RANBP1: variants seen among roughly 807,000 people sequenced by gnomAD.
RANBP1 encodes RAN binding protein 1.
In RANBP1, 16 loss-of-function variants were observed where a neutral mutation model predicts 31.4. The observed-to-expected ratio is 0.51, with a 90% confidence interval of 0.34 to 0.77. The LOEUF is 0.77. RANBP1 is among the 30% of genes least tolerant of loss of function. RANBP1 has a pLI of 0.01. For synonymous variants in RANBP1, 129 were observed against 140.5 expected (o/e 0.92, Z 0.58); for missense variants, 265 against 362.0 (o/e 0.73, Z 2.17).
intron 1 of RANBP1, chr22:20,117,195 C>A: frequency 1.8e-6 from 1 of 545,292 alleles, no homozygotes; most frequent in Non-Finnish European, 3.0e-6. Context: ...CTTAGTCCGC[C>A]AGCGCGTGCG....
chr22:20,117,623 C>G, intron 1 of RANBP1: 1 of 1,281,488 alleles, frequency 7.8e-7, no homozygotes, highest in Non-Finnish European at 9.9e-7. Context: ...ACCGACCCAG[C>G]CGAGCCGCCG....
At chr22:20,123,475 G>T (rs2050232809) in intron 3 of RANBP1, among the ~76,000 whole-genome samples, 1 of 134,452 alleles carries the variant, frequency 7.4e-6, no homozygotes, top group South Asian at 2.7e-4. Flanking sequence ...GTCTGAGGGG[G>T]TGCGGTATCG....
At chr22:20,119,868 T>C (rs776559797) in intron 2 of RANBP1, among the ~76,000 whole-genome samples, 9 of 152,152 alleles carry the variant, frequency 5.9e-5, no homozygotes, top group Non-Finnish European at 1.2e-4. Context: ...TAGGTGATGG[T>C]TTAGTTATTA....
At chr22:20,119,262 G>A (rs2050123983) in intron 2 of RANBP1, 113 bp downstream of exon 2, 1 of 1,052,172 alleles carries the variant, frequency 9.5e-7, no homozygotes, top group Non-Finnish European at 1.4e-6. Flanking sequence ...TTAAAGAAAG[G>A]GCCTAAAGTT....
At chr22:20,116,599 A>G (rs1331988288) in intron 1 of RANBP1, 169 bp downstream of exon 1, 2 of 1,544,640 alleles carry the variant, frequency 1.3e-6, no homozygotes, top group Non-Finnish European at 1.7e-6. Flanking sequence ...ACAGCTCTCC[A>G]TGGGCTTCGG....
At chr22:20,126,079 C>T (rs573107618) in intron 4 of RANBP1, among the ~76,000 whole-genome samples, 20 of 152,382 alleles carry the variant, frequency 1.3e-4, no homozygotes, top group Admixed American at 7.2e-4. Flanking sequence ...GAGGCCCATG[C>T]CCCTTGGTTG....
chr22:20,117,413 C>A (rs1397677288), intron 1 of RANBP1: 1 of 1,207,880 alleles, frequency 8.3e-7, no homozygotes. Flanking sequence ...GCGGGGCGGG[C>A]CGGACAATGA....
rs536137228 is a variant in RANBP1 at position 20,121,356 on chromosome 22, T to C, written c.384-908T>C. On this transcript the variant is annotated intron_variant, in intron 2 of 5. Coordinates refer to ENST00000430524, the MANE Select transcript of RANBP1 (RefSeq NM_001278639.2). ...CCTCTGCCTCCCGGCTTCAAGGGATTCTCCTGCCTCAGCCTCCCGAGTAGC... is the reference window on the plus strand; with the variant it reads ...CCTCTGCCTCCCGGCTTCAAGGGATCCTCCTGCCTCAGCCTCCCGAGTAGC... Among the ~76,000 whole-genome samples, 5 of 152,172 alleles carry C rather than the reference T, an allele frequency of 3.3e-5. No homozygotes were observed. In the South Asian group the frequency reaches 1.0e-3, roughly 32 times the overall value.
intron 3 of RANBP1, chr22:20,122,673 G>C: frequency 6.9e-7 from 1 of 1,457,868 alleles, no homozygotes; most frequent in Non-Finnish European, 9.2e-7. Context: ...AGGACGCAGC[G>C]CCCAGGCTGG....
In RANBP1 at chr22:20,116,445, C is replaced by A. The variant is rs765899970; in HGVS notation, c.246+15C>A. ...AGATCTCAGAGGTAAACAAGTCATC[C>A]CTGATGTAGCTGTAGAGCCCGGGCT... On this transcript the variant is annotated intron_variant, in intron 1 of 5. Transcript: ENST00000430524. 10 of 1,612,826 alleles carry A rather than the reference C, an allele frequency of 6.2e-6. No homozygotes were observed. In the South Asian group the frequency reaches 7.7e-5, roughly 12 times the overall value.
chr22:20,118,924 C>A, intron 1 of RANBP1, 89 bp from the exon 2 acceptor site: 1 of 1,372,382 alleles, frequency 7.3e-7, no homozygotes, highest in Non-Finnish European at 1.0e-6. Context: ...CCTTCATTGT[C>A]GGAGGGCTGA....
intron 1 of RANBP1, chr22:20,117,018 G>T: frequency 7.1e-7 from 1 of 1,410,454 alleles, no homozygotes; most frequent in Non-Finnish European, 9.7e-7. Context: ...GCTCAGAGGG[G>T]AGGTGCTCAC....
In RANBP1 at chr22:20,120,326, G is replaced by A. The variant is rs573572251; in HGVS notation, c.383+1177G>A. Among the ~76,000 whole-genome samples the A allele has an allele frequency of 5.9e-5, 9 of 152,082 alleles. No individual in the cohort carries two copies. The South Asian group carries it at 1.4e-3, about 25-fold the overall frequency. On this transcript the variant is annotated intron_variant, in intron 2 of 5. Transcript: ENST00000430524. ...GGCTCCACTCTGCTGATGCATTGCC[G>A]TAGCCCCTGTTTGGGAGTAGCTCTT...
At chr22:20,121,879 C>T (rs768636078) in intron 2 of RANBP1, among the ~76,000 whole-genome samples, 4 of 138,700 alleles carry the variant, frequency 2.9e-5, no homozygotes, top group Non-Finnish European at 6.2e-5. Flanking sequence ...GCTGGGATTA[C>T]AGGCGTGCAT....
At chr22:20,125,083 A>G in intron 3 of RANBP1, 1 of 540,496 alleles carries the variant, frequency 1.9e-6, no homozygotes, top group Non-Finnish European at 3.3e-6. Context: ...ATTCCTATTT[A>G]GGATGGTCCT....
Position 20,126,715 on chromosome 22 carries a change from G to A in RANBP1, c.737-237G>A, listed in dbSNP as rs937476563. 6 of 1,480,632 alleles carry A rather than the reference G, an allele frequency of 4.1e-6. No individual in the cohort carries two copies. The African/African-American group carries it at 7.0e-5, about 17-fold the overall frequency. 91.7% of individuals were successfully genotyped at this position (1,480,632 alleles called of 1,614,324 possible). The stretch of plus-strand genomic sequence containing the variant: ...CAGCTGTGGTGGCAAGTGACCAGAT[G>A]TCACTGAGCAGCCTGACCATGGTCT... On this transcript the variant is annotated intron_variant, in intron 5 of 5. Coordinates refer to ENST00000430524, the MANE Select transcript of RANBP1 (RefSeq NM_001278639.2).
Position 20,127,316 on chromosome 22 carries a change from C to T in RANBP1, c.*264C>T, listed in dbSNP as rs540647327. On this transcript the variant is annotated 3_prime_UTR_variant, in exon 6 of 6. Coordinates refer to ENST00000430524, the MANE Select transcript of RANBP1 (RefSeq NM_001278639.2). ...CATAGTGGAAACACTTATTTATAGT[C>T]ATCAAAAATAGTGAATAAAAAACAC... 1.4e-3 allele frequency: 427 copies of T among 301,200 alleles called. 1 individual carries two copies. Among genetic ancestry groups the T allele is most frequent in the African/African-American group, 8.5e-3 (389 of 45,530 alleles). 18.7% of individuals were successfully genotyped at this position (301,200 alleles called of 1,614,324 possible).
intron 4 of RANBP1, among the ~76,000 whole-genome samples, chr22:20,125,987 T>C (rs1382507837): frequency 6.6e-6 from 1 of 152,266 alleles, no homozygotes; most frequent in Non-Finnish European, 1.5e-5. Context: ...GGCCGTTTGG[T>C]GCCAAGTGAC....
At position 20,122,553 on chromosome 22, in the gene RANBP1, A is replaced by C; in HGVS notation, c.541+132A>C. The C allele has an allele frequency of 1.9e-6, 3 of 1,560,224 alleles. No homozygotes were observed. In the South Asian group the frequency reaches 3.5e-5, roughly 18 times the overall value. Reference sequence around the variant, plus strand: ...TGCAAGTTTGTGGTGTGTTTGTTGAATTTAAAACCAGAAATACGTTTTTCA... The same window carrying C: ...TGCAAGTTTGTGGTGTGTTTGTTGACTTTAAAACCAGAAATACGTTTTTCA... On this transcript the variant is annotated intron_variant, in intron 3 of 5. Coordinates refer to ENST00000430524, the MANE Select transcript of RANBP1 (RefSeq NM_001278639.2).
Sources: gnomAD v4.1 joint callset for allele counts (sites outside exome capture counted in the v4.1 genomes callset) on GRCh38, gnomAD v4.1.1 for gene constraint, MANE v1.5 for transcripts, NCBI Gene and HGNC (gene_info 2026-07-23, HGNC 2026-07-21) for gene names.